FAT3: variants seen among roughly 807,000 people sequenced by gnomAD.
The protein encoded by FAT3 is protocadherin Fat 3.
A neutral mutation model predicts 310.2 loss-of-function variants in FAT3; 95 were observed. The ratio of observed to expected loss-of-function variants is 0.31; its 90% CI spans 0.26 to 0.36. FAT3 has a LOEUF of 0.36. Among genes scored for constraint, FAT3 ranks in the 10% least tolerant of loss-of-function variants. The pLI, the probability that FAT3 is intolerant of heterozygous loss-of-function variation, is 1.00. For synonymous variants in FAT3, 2,314 were observed against 2,192.9 expected (o/e 1.06, Z -1.54); for missense variants, 5,408 against 5,715.6 (o/e 0.95, Z 1.74).
At chr11:92,825,948 T>C (rs1948092340) in intron 13 of FAT3, among the ~76,000 whole-genome samples, 1 of 152,136 alleles carries the variant, frequency 6.6e-6, no homozygotes, top group Non-Finnish European at 1.5e-5. Context: ...GAGAGGAAGT[T>C]AGAAGGTGAC....
intron 1 of FAT3, among the ~76,000 whole-genome samples, chr11:92,251,791 G>T (rs1865152940): frequency 6.6e-6 from 1 of 152,002 alleles, no homozygotes; most frequent in Non-Finnish European, 1.5e-5. Flanking sequence ...GACAGATAAG[G>T]TCTCACCCTC....
chr11:92,386,658 A>G (rs901432704), intron 2 of FAT3, among the ~76,000 whole-genome samples: 2 of 152,334 alleles, frequency 1.3e-5, no homozygotes, highest in Middle Eastern at 3.4e-3. Flanking sequence ...TAAACTTGAG[A>G]GAAGACAAGA....
At chr11:92,829,945 T>G (rs1347856304) in intron 13 of FAT3, among the ~76,000 whole-genome samples, 1 of 152,006 alleles carries the variant, frequency 6.6e-6, no homozygotes, top group Non-Finnish European at 1.5e-5. Context: ...AATTGTACAT[T>G]GGGAAAGTAA....
rs1949723364 is a variant in FAT3 at position 92,883,403 on chromosome 11, A to G, written c.12937+10A>G. 1 of 1,590,772 alleles carries G rather than the reference A, an allele frequency of 6.3e-7. No homozygotes were observed. Among genetic ancestry groups the G allele is most frequent in the Non-Finnish European group, 8.6e-7 (1 of 1,167,148 alleles). On this transcript the variant is annotated intron_variant, in intron 24 of 27. Coordinates refer to ENST00000525166, the MANE Select transcript of FAT3 (RefSeq NM_001367949.2). The surrounding 1 kb of genome is among the most constrained non-coding windows in gnomAD (Gnocchi z 4.2). ...GACGCGGGAACTGAGAGTGAGTAGG[A>G]AGTGGTAATGCTCACCCCTCGGTGC...
At chr11:92,767,774 C>T (rs922759091) in intron 6 of FAT3, among the ~76,000 whole-genome samples, 1 of 152,028 alleles carries the variant, frequency 6.6e-6, no homozygotes, top group Non-Finnish European at 1.5e-5. Flanking sequence ...TGGTTAAGGC[C>T]CATGTGTCCT....
Position 92,288,431 on chromosome 11 carries a change from A to G in FAT3, c.-18+63257A>G, listed in dbSNP as rs147966977. On this transcript the variant is annotated intron_variant, in intron 1 of 27. Transcript: ENST00000525166. ...TCTGGGTCTATCCTCTGTTTTAGAGATGAGGAAACTGGCTCAAGGGATATC... is the reference window on the plus strand; with the variant it reads ...TCTGGGTCTATCCTCTGTTTTAGAGGTGAGGAAACTGGCTCAAGGGATATC... Among the ~76,000 whole-genome samples the G allele has an allele frequency of 1.2e-3, 180 of 152,236 alleles. 1 individual carries two copies. Among genetic ancestry groups the G allele is most frequent in the African/African-American group, 4.0e-3 (168 of 41,568 alleles).
chr11:92,377,130 T>C (rs993289900), intron 2 of FAT3, among the ~76,000 whole-genome samples: 1 of 152,178 alleles, frequency 6.6e-6, no homozygotes, highest in South Asian at 2.1e-4. Flanking sequence ...TGAAACCCAA[T>C]ACAGGCTCAT....
chr11:92,723,236 T>G (rs1362139656), intron 4 of FAT3, among the ~76,000 whole-genome samples: 2 of 152,120 alleles, frequency 1.3e-5, no homozygotes, highest in Non-Finnish European at 2.9e-5. Context: ...ATACCCTAAA[T>G]CATCTCTCTC....
At chr11:92,269,272 T>C (rs988214175) in intron 1 of FAT3, among the ~76,000 whole-genome samples, 3 of 152,212 alleles carry the variant, frequency 2.0e-5, no homozygotes, top group Admixed American at 2.0e-4. Flanking sequence ...CTAGAAACAT[T>C]CTTTCGCCTG....
intron 2 of FAT3, among the ~76,000 whole-genome samples, chr11:92,476,016 A>C (rs1398812399): frequency 6.6e-6 from 1 of 152,056 alleles, no homozygotes; most frequent in Non-Finnish European, 1.5e-5. Flanking sequence ...CTCCCTTTCA[A>C]GGTTCACATG....
intron 3 of FAT3, among the ~76,000 whole-genome samples, chr11:92,685,710 G>T (rs1289246253): frequency 6.6e-6 from 1 of 151,826 alleles, no homozygotes; most frequent in South Asian, 2.1e-4. Context: ...TGAGTAGCCT[G>T]GGCTCTTAAA....
intron 3 of FAT3, among the ~76,000 whole-genome samples, chr11:92,693,274 C>T (rs1274364563): frequency 6.6e-6 from 1 of 152,176 alleles, no homozygotes; most frequent in Non-Finnish European, 1.5e-5. Flanking sequence ...AAACCACATT[C>T]AAAAGCTTGC....
At position 92,891,078 on chromosome 11, in the gene FAT3, C is replaced by T. The variant is rs745509528; in HGVS notation, c.13735C>T (p.Pro4579Ser). The change falls in exon 28 of 28, where the codon CCC (proline) becomes TCC (serine). Residue 4579 changes from proline (P) to serine (S), a missense_variant. Physicochemically the swap from Pro to Ser is moderately conservative, Grantham distance 74 (BLOSUM62 -1). Around this residue, in one of 5 missense-constraint regions of FAT3, gnomAD observed 649 missense variants for 666.2 expected, o/e 0.97. Transcript: ENST00000525166. ...GCTCAGCCTCGCCAGCCTTCACATT[C>T]CCTTTGTGGAGACTCAGCATCAGAC... ...GELSLASLHI[P>S]FVETQHQTQV 3.1e-6 allele frequency: 5 copies of T among 1,613,640 alleles called. No homozygotes were observed. The highest frequency in any genetic ancestry group is 4.2e-6 in the Non-Finnish European group (5 of 1,179,844).
At chr11:92,331,945 C>T (rs1947933714) in intron 1 of FAT3, among the ~76,000 whole-genome samples, 1 of 152,144 alleles carries the variant, frequency 6.6e-6, no homozygotes, top group Non-Finnish European at 1.5e-5. Flanking sequence ...GTTTAGGGTT[C>T]CTTATCAAAT....
Position 92,754,156 on chromosome 11 carries a change from A to T in FAT3, c.3670-7700A>T, listed in dbSNP as rs1591687049. 2.0e-5 allele frequency among the ~76,000 whole-genome samples: 3 copies of T among 152,240 alleles called. No individual in the cohort carries two copies. The South Asian group carries it at 6.2e-4, about 32-fold the overall frequency. On this transcript the variant is annotated intron_variant, in intron 4 of 27. Coordinates refer to ENST00000525166, the MANE Select transcript of FAT3 (RefSeq NM_001367949.2). Reference sequence around the variant, plus strand: ...AAATATAATACTAAAAAATATATTTAAAAAATAAAGACAATATTTTCCTAT... The same window carrying T: ...AAATATAATACTAAAAAATATATTTTAAAAATAAAGACAATATTTTCCTAT...
intron 1 of FAT3, among the ~76,000 whole-genome samples, chr11:92,286,948 G>A (rs1338589185): frequency 6.6e-6 from 1 of 152,164 alleles, no homozygotes; most frequent in Non-Finnish European, 1.5e-5. Context: ...AGCTTGCTCT[G>A]TAAATAGTGA....
chr11:92,432,141 T>A (rs183405222), intron 2 of FAT3, among the ~76,000 whole-genome samples: 2,447 of 152,290 alleles, frequency 0.016, 31 homozygotes, highest in Non-Finnish European at 0.021. Flanking sequence ...CATGGAATGT[T>A]CTTCCATTTG....
intron 2 of FAT3, among the ~76,000 whole-genome samples, chr11:92,375,734 C>T (rs187105974): frequency 2.0e-4 from 30 of 152,078 alleles, no homozygotes; most frequent in Admixed American, 9.8e-4. Flanking sequence ...TATTAGATGC[C>T]GATGCCAGAG....
intron 2 of FAT3, among the ~76,000 whole-genome samples, chr11:92,456,232 A>T: frequency 6.6e-6 from 1 of 152,214 alleles, no homozygotes; most frequent in East Asian, 1.9e-4. Flanking sequence ...AAGCCTATCA[A>T]ACACCTAAAC....
Sources: gnomAD v4.1 joint callset for allele counts (sites outside exome capture counted in the v4.1 genomes callset) on GRCh38, gnomAD v4.1.1 for gene constraint, gnomAD v4.1.1 regional missense constraint, Gnocchi (gnomAD v3.1) non-coding constraint, MANE v1.5 for transcripts, NCBI Gene and HGNC (gene_info 2026-07-23, HGNC 2026-07-21) for gene names.